Variants in RYR2 observed in about 807,000 individuals in gnomAD.
RYR2 encodes ryanodine receptor 2, also known as cardiac muscle ryanodine receptor-calcium release channel.
A neutral mutation model predicts 601.1 loss-of-function variants in RYR2; 227 were observed. That is an observed-to-expected ratio of 0.38 (90% CI 0.34 to 0.42). RYR2 has a LOEUF of 0.42. RYR2 is among the 10% of genes least tolerant of loss of function. The pLI, the probability that RYR2 is intolerant of heterozygous loss-of-function variation, is 1.00. For missense variants in RYR2, 4,646 were observed against 6,156.5 expected, an observed-to-expected ratio of 0.75 and a Z score of 8.21; for synonymous variants, 2,223 against 2,175.1, an observed-to-expected ratio of 1.02 and a Z score of -0.61.
chr1:237,081,278 A>AG (rs1260766349), intron 1 of RYR2, among the ~76,000 whole-genome samples: 1 of 64,146 alleles, frequency 1.6e-5, no homozygotes. Flanking sequence ...CTTAGAGTAT[A>AG]ATAAAAAAAA....
At chr1:237,216,910 G>A (rs1050381336) in intron 1 of RYR2, among the ~76,000 whole-genome samples, 1 of 152,174 alleles carries the variant, frequency 6.6e-6, no homozygotes, top group African/African-American at 2.4e-5. Context: ...TTTGTGCATA[G>A]TGGCTATTCA....
chr1:237,042,333 C>T lies in RYR2; in HGVS notation c.-189C>T, dbSNP rs1415198754. 8.3e-6 allele frequency: 3 copies of T among 361,176 alleles called. No homozygotes were observed. Among genetic ancestry groups the T allele is most frequent in the East Asian group, 6.6e-5 (1 of 15,126 alleles). 22.4% of individuals were successfully genotyped at this position (361,176 alleles called of 1,614,324 possible). A position where few individuals can be genotyped will look rare whatever the true frequency, so the allele number is the denominator to read the frequency against. On this transcript the variant is annotated 5_prime_UTR_variant, in exon 1 of 105. Transcript: ENST00000366574. Reference sequence around the variant, plus strand: ...AGGGAGGCCCCGCGCCTCGACCACCCGCGCCCGAGCGTCCGCGCCTCCTCC... The same window carrying T: ...AGGGAGGCCCCGCGCCTCGACCACCTGCGCCCGAGCGTCCGCGCCTCCTCC...
At chr1:237,620,106 CA>C (rs1462204612) in intron 38 of RYR2, among the ~76,000 whole-genome samples, 1 of 151,960 alleles carries the variant, frequency 6.6e-6, no homozygotes, top group Non-Finnish European at 1.5e-5. Flanking sequence ...ATGGTTGAAG[CA>C]AAAATCATAA....
chr1:237,114,973 G>A (rs138717081), intron 1 of RYR2, among the ~76,000 whole-genome samples: 12 of 152,276 alleles, frequency 7.9e-5, no homozygotes, highest in African/African-American at 2.6e-4. Flanking sequence ...CCAGGAAATT[G>A]GGAGGAGCAA....
intron 8 of RYR2, among the ~76,000 whole-genome samples, chr1:237,381,351 T>C (rs1701505555): frequency 6.6e-6 from 1 of 151,090 alleles, no homozygotes; most frequent in South Asian, 2.1e-4. Context: ...AGGAACATTA[T>C]AGGTGATATT....
At chr1:237,611,048 G>A (rs1022234944) in intron 36 of RYR2, 60 bp downstream of exon 36, 63 of 1,446,768 alleles carry the variant, frequency 4.4e-5, no homozygotes, top group East Asian at 1.7e-4. Flanking sequence ...CCTGCTGCCC[G>A]GGGCTTCCGG....
chr1:237,240,017 T>C (rs187892089), intron 1 of RYR2, among the ~76,000 whole-genome samples: 1 of 152,342 alleles, frequency 6.6e-6, no homozygotes, highest in East Asian at 1.9e-4. Flanking sequence ...ATCATTTTGC[T>C]CGATCATTAA....
At chr1:237,422,086 A>C (rs895725529) in intron 11 of RYR2, among the ~76,000 whole-genome samples, 4 of 152,184 alleles carry the variant, frequency 2.6e-5, no homozygotes, top group Non-Finnish European at 5.9e-5. Context: ...GTTAAGGGAA[A>C]GTCATGCACG....
chr1:237,782,088 G>T (rs1301864567), intron 89 of RYR2, among the ~76,000 whole-genome samples: 1 of 151,964 alleles, frequency 6.6e-6, no homozygotes, highest in Non-Finnish European at 1.5e-5. Flanking sequence ...CTGTCCCCCA[G>T]GGCAGCTGGC....
intron 1 of RYR2, among the ~76,000 whole-genome samples, chr1:237,136,079 A>G (rs1024302291): frequency 1.3e-5 from 2 of 152,228 alleles, no homozygotes; most frequent in Admixed American, 1.3e-4. Flanking sequence ...AGAGATGCAT[A>G]TAATTACCAA....
chr1:237,108,684 A>G (rs1259795766), intron 1 of RYR2, among the ~76,000 whole-genome samples: 1 of 152,096 alleles, frequency 6.6e-6, no homozygotes, highest in African/African-American at 2.4e-5. Flanking sequence ...GGTGGAGGAG[A>G]GTCCCTCCTC....
chr1:237,283,727 A>C (rs549108048), intron 2 of RYR2, among the ~76,000 whole-genome samples: 2 of 152,240 alleles, frequency 1.3e-5, no homozygotes, highest in Admixed American at 1.3e-4. Context: ...TTACTATAAT[A>C]ATGCTTAATC....
chr1:237,808,948 T>G lies in RYR2; in HGVS notation c.14346T>G (p.Thr4782=). ...GLLAVVVYLY[T]VVAFNFFRKF... ...TAGCTGTTGTTGTATACCTATACAC[T>G]GTGGTGGCATTCAATTTTTTCCGAA... is the stretch of plus-strand genomic sequence containing the variant. The change falls in exon 100 of 105, where the codon ACT becomes ACG. Residue 4782 remains threonine, a synonymous_variant. Transcript: ENST00000366574. 6.2e-7 allele frequency: 1 copy of G among 1,613,224 alleles called. No homozygotes were observed. Among genetic ancestry groups the G allele is most frequent in the Non-Finnish European group, 8.5e-7 (1 of 1,179,170 alleles).
chr1:237,352,490 G>A (rs1698941200), intron 3 of RYR2, among the ~76,000 whole-genome samples: 1 of 152,004 alleles, frequency 6.6e-6, no homozygotes, highest in Non-Finnish European at 1.5e-5. Flanking sequence ...TATATTGGGA[G>A]GCTCAATATT....
At chr1:237,502,046 T>G (rs1664694978) in intron 21 of RYR2, among the ~76,000 whole-genome samples, 1 of 152,100 alleles carries the variant, frequency 6.6e-6, no homozygotes, top group South Asian at 2.1e-4. Flanking sequence ...TAGTCTTAGC[T>G]ACCCGGGAGG....
intron 1 of RYR2, among the ~76,000 whole-genome samples, chr1:237,105,424 C>T (rs191210311): frequency 9.1e-4 from 138 of 152,236 alleles, no homozygotes; most frequent in Middle Eastern, 3.4e-3. Context: ...AGGCTGGGCA[C>T]AATGGCTTAC....
chr1:237,594,372 C>T (rs370104946), intron 33 of RYR2, among the ~76,000 whole-genome samples: 1 of 152,250 alleles, frequency 6.6e-6, no homozygotes, highest in East Asian at 1.9e-4. Flanking sequence ...TTTTGGGAAA[C>T]TCACTTTCCT....
At chr1:237,182,737 G>A (rs1678920969) in intron 1 of RYR2, among the ~76,000 whole-genome samples, 1 of 152,048 alleles carries the variant, frequency 6.6e-6, no homozygotes, top group African/African-American at 2.4e-5. Flanking sequence ...TATTATAATA[G>A]TTTTTCTGGT....
chr1:237,189,501 G>A (rs1198466613), intron 1 of RYR2, among the ~76,000 whole-genome samples: 1 of 152,210 alleles, frequency 6.6e-6, no homozygotes, highest in East Asian at 1.9e-4. Context: ...GTATTTGGAA[G>A]CAGGGCATTT....
Sources: allele counts gnomAD v4.1 joint callset (sites outside exome capture counted in the v4.1 genomes callset), GRCh38; gene constraint gnomAD v4.1.1; transcripts MANE v1.5; gene names NCBI Gene and HGNC (gene_info 2026-07-23, HGNC 2026-07-21).